DLGAP1: variants seen among roughly 807,000 people sequenced by gnomAD.
DLGAP1 encodes the protein disks large-associated protein 1.
Under a neutral mutation model 90.8 loss-of-function variants are expected in DLGAP1, and 11 were observed. That is an observed-to-expected ratio of 0.12 (90% CI 0.08 to 0.20). The LOEUF (loss-of-function observed/expected upper bound fraction) is 0.20. Ranked by LOEUF, DLGAP1 falls within the 10% of genes least tolerant of loss-of-function variation. The pLI is 1.00. For synonymous variants in DLGAP1, 558 were observed against 540.7 expected, an observed-to-expected ratio of 1.03 and a Z score of -0.44; for missense variants, 1,050 against 1,333.8, an observed-to-expected ratio of 0.79 and a Z score of 3.31.
At chr18:4,087,932 T>G (rs987785867) in intron 2 of DLGAP1, among the ~76,000 whole-genome samples, 2 of 152,172 alleles carry the variant, frequency 1.3e-5, no homozygotes, top group African/African-American at 4.8e-5. Flanking sequence ...CTGCTATGTT[T>G]AGACTAAAAT....
chr18:3,879,754 G>C lies in DLGAP1; in HGVS notation c.315C>G (p.Asp105Glu), dbSNP rs987277339. 27 of 1,608,372 alleles carry C rather than the reference G, an allele frequency of 1.7e-5. No homozygotes were observed. Among genetic ancestry groups the C allele is most frequent in the Admixed American group, 3.3e-5 (2 of 60,004 alleles). The change falls in exon 4 of 13, where the codon GAC (aspartate) becomes GAG (glutamate). Residue 105 changes from aspartate (D) to glutamate (E), a missense_variant. This residue lies in a region of DLGAP1 where 485 missense variants were observed against 454.1 expected (regional missense o/e 1.07). Transcript: ENST00000315677. This position sits in a 1 kb window ranked among gnomAD's most constrained non-coding sequence, Gnocchi z 6.6. ...KANRIPANLL[D>E]QFERQLPLSR... ...TGAGTGGCAGCTGCCGCTCGAACTG[G>C]TCCAGCAGGTTGGCGGGGATGCGGT...
chr18:4,202,251 G>C (rs763059479), intron 1 of DLGAP1, among the ~76,000 whole-genome samples: 4 of 152,056 alleles, frequency 2.6e-5, no homozygotes, highest in Non-Finnish European at 5.9e-5. Flanking sequence ...AGTAACTCAG[G>C]AATGGAAAAA....
At chr18:4,437,477 T>C (rs756514448) in intron 1 of DLGAP1, among the ~76,000 whole-genome samples, 6 of 152,184 alleles carry the variant, frequency 3.9e-5, no homozygotes, top group Non-Finnish European at 7.3e-5. Flanking sequence ...CTTTAAATAA[T>C]CTCCAGGCTA....
chr18:4,177,486 T>C (rs1246762471), intron 1 of DLGAP1, among the ~76,000 whole-genome samples: 4 of 152,066 alleles, frequency 2.6e-5, no homozygotes, highest in African/African-American at 9.7e-5. Context: ...TTATTTTAGG[T>C]TCAGGGATGC....
At chr18:3,870,795 G>A (rs756206819) in intron 4 of DLGAP1, among the ~76,000 whole-genome samples, 8 of 152,166 alleles carry the variant, frequency 5.3e-5, no homozygotes, top group African/African-American at 1.9e-4. Flanking sequence ...AGGGCTCTGA[G>A]CAAATTCCCT....
At chr18:3,754,122 T>C (rs868116597) in intron 5 of DLGAP1, among the ~76,000 whole-genome samples, 4 of 152,200 alleles carry the variant, frequency 2.6e-5, no homozygotes, top group African/African-American at 9.7e-5. Context: ...CATCTCAGCC[T>C]CCTGAGTAGT....
chr18:4,146,708 T>C (rs2076590780), intron 2 of DLGAP1, among the ~76,000 whole-genome samples: 1 of 152,100 alleles, frequency 6.6e-6, no homozygotes, highest in East Asian at 1.9e-4. Context: ...GTTACAAAAG[T>C]GAATTATGAG....
chr18:4,218,989 CA>C (rs2078019097), intron 1 of DLGAP1, among the ~76,000 whole-genome samples: 1 of 147,486 alleles, frequency 6.8e-6, no homozygotes, highest in African/African-American at 2.5e-5. Context: ...AGATATATAC[CA>C]AGTGGAATTG....
intron 1 of DLGAP1, among the ~76,000 whole-genome samples, chr18:4,328,651 C>A (rs954506914): frequency 2.6e-5 from 4 of 151,910 alleles, no homozygotes; most frequent in Non-Finnish European, 5.9e-5. Context: ...TACCATTGTG[C>A]ATTTCTACCA....
chr18:3,568,978 G>A (rs1187400105), intron 8 of DLGAP1, among the ~76,000 whole-genome samples: 1 of 147,376 alleles, frequency 6.8e-6, no homozygotes, highest in East Asian at 2.3e-4. Context: ...GAGCCACCAC[G>A]CCTGGCCTAA....
chr18:4,322,271 T>C (rs906026875), intron 1 of DLGAP1, among the ~76,000 whole-genome samples: 2 of 151,874 alleles, frequency 1.3e-5, no homozygotes, highest in African/African-American at 2.4e-5. Flanking sequence ...AAAAACAGCA[T>C]AGTACTGGCA....
intron 1 of DLGAP1, among the ~76,000 whole-genome samples, chr18:4,413,167 C>T (rs2082818037): frequency 6.6e-6 from 1 of 151,972 alleles, no homozygotes; most frequent in African/African-American, 2.4e-5. Flanking sequence ...AACAGAGATG[C>T]TAACAGAGGA....
chr18:4,219,022 T>C (rs2078020030), intron 1 of DLGAP1, among the ~76,000 whole-genome samples: 1 of 132,518 alleles, frequency 7.5e-6, no homozygotes, highest in Admixed American at 8.5e-5. Flanking sequence ...GCTAGTTCTA[T>C]CTTTGTTTTT....
intron 2 of DLGAP1, among the ~76,000 whole-genome samples, chr18:4,105,009 GCA>G (rs149925595): frequency 0.017 from 2,566 of 151,850 alleles, 59 homozygotes; most frequent in African/African-American, 0.056. Flanking sequence ...ATTGAAACAC[GCA>G]CACACACACA....
chr18:4,136,616 G>C (rs918265281), intron 2 of DLGAP1, among the ~76,000 whole-genome samples: 4 of 152,080 alleles, frequency 2.6e-5, no homozygotes, highest in Admixed American at 6.6e-5. Context: ...ATTTGCTTGA[G>C]CTCCTTATAT....
At chr18:3,846,977 T>C (rs780363575) in intron 4 of DLGAP1, among the ~76,000 whole-genome samples, 2 of 152,226 alleles carry the variant, frequency 1.3e-5, no homozygotes, top group Admixed American at 1.3e-4. Context: ...ATGCATTACA[T>C]TGATTTGTGA....
At chr18:3,612,508 C>A (rs952636789) in intron 7 of DLGAP1, among the ~76,000 whole-genome samples, 2 of 152,194 alleles carry the variant, frequency 1.3e-5, no homozygotes, top group Admixed American at 1.3e-4. Flanking sequence ...TCTACACCAA[C>A]GTGGTCAGAT....
intron 2 of DLGAP1, among the ~76,000 whole-genome samples, chr18:4,131,488 A>G (rs1951961665): frequency 6.6e-6 from 1 of 152,194 alleles, no homozygotes; most frequent in Admixed American, 6.5e-5. Flanking sequence ...TGGCTTTTCT[A>G]GAACAAAAGC....
chr18:4,384,386 T>C (rs963392782), intron 1 of DLGAP1, among the ~76,000 whole-genome samples: 3 of 152,174 alleles, frequency 2.0e-5, no homozygotes, highest in African/African-American at 7.2e-5. Context: ...TTATTATTAC[T>C]GATCTGATAA....
Sources: allele counts gnomAD v4.1 joint callset (sites outside exome capture counted in the v4.1 genomes callset), GRCh38; gene constraint gnomAD v4.1.1; regional missense constraint gnomAD v4.1.1; non-coding constraint Gnocchi (gnomAD v3.1); transcripts MANE v1.5; gene names NCBI Gene and HGNC (gene_info 2026-07-23, HGNC 2026-07-21).